Variants in GRIA2 observed in about 807,000 individuals in gnomAD.
GRIA2 encodes the protein glutamate ionotropic receptor AMPA type subunit 2.
In GRIA2, 14 loss-of-function variants were observed where a neutral mutation model predicts 97.3. That is an observed-to-expected ratio of 0.14 (90% CI 0.10 to 0.23). The LOEUF (loss-of-function observed/expected upper bound fraction) is 0.23. Among genes scored for constraint, GRIA2 ranks in the 10% least tolerant of loss-of-function variants. GRIA2 has a pLI of 1.00. For missense variants in GRIA2, 558 were observed against 1,069.8 expected (o/e 0.52, Z 6.67); for synonymous variants, 412 against 387.8 (o/e 1.06, Z -0.73).
chr4:157,365,458 C>T lies in GRIA2; in HGVS notation c.*2027C>T, dbSNP rs1579398295. On this transcript the variant is annotated 3_prime_UTR_variant, in exon 16 of 16. Transcript: ENST00000264426. ...TTATTGTACCTCTGGGCCTACTCTT[C>T]TAAAAATTGTAGCTTATCGATTTTT... is the stretch of plus-strand genomic sequence containing the variant. The T allele has an allele frequency of 6.6e-6, 1 of 151,958 alleles. No individual in the cohort carries two copies. 9.4% of individuals were successfully genotyped at this position (151,958 alleles called of 1,614,324 possible). A position where few individuals can be genotyped will look rare whatever the true frequency, so the allele number is the denominator to read the frequency against.
chr4:157,265,094 A>G (rs1030990757), intron 2 of GRIA2, among the ~76,000 whole-genome samples: 1 of 152,168 alleles, frequency 6.6e-6, no homozygotes, highest in African/African-American at 2.4e-5. Flanking sequence ...TTGTTAAGAT[A>G]GGATATTAAT....
intron 6 of GRIA2, among the ~76,000 whole-genome samples, chr4:157,329,903 A>G (rs1415258451): frequency 6.6e-6 from 1 of 151,892 alleles, no homozygotes; most frequent in East Asian, 1.9e-4. Flanking sequence ...CATCATAATT[A>G]CCTCGGAATC....
intron 2 of GRIA2, among the ~76,000 whole-genome samples, chr4:157,246,962 T>C (rs1730759734): frequency 6.6e-6 from 1 of 152,198 alleles, no homozygotes; most frequent in South Asian, 2.1e-4. Flanking sequence ...TATTTCCTTT[T>C]GCAGTGATAT....
At chr4:157,248,780 C>CTATATATATATA (rs36210142) in intron 2 of GRIA2, among the ~76,000 whole-genome samples, 1 of 122,334 alleles carries the variant, frequency 8.2e-6, no homozygotes, top group African/African-American at 3.1e-5. Context: ...CTTTCTTTCA[C>CTATATATATATA]TATATATATA....
chr4:157,223,063 T>A (rs1729579101), intron 2 of GRIA2, among the ~76,000 whole-genome samples: 1 of 152,180 alleles, frequency 6.6e-6, no homozygotes, highest in Non-Finnish European at 1.5e-5. Context: ...CTACAGAGCT[T>A]GGGGAAAATT....
At chr4:157,316,051 T>A (rs1734304135) in intron 4 of GRIA2, among the ~76,000 whole-genome samples, 1 of 152,162 alleles carries the variant, frequency 6.6e-6, no homozygotes. Flanking sequence ...CCTTCCTTTC[T>A]CTCAAGTAAA....
chr4:157,269,750 C>A (rs1561019870), intron 2 of GRIA2, among the ~76,000 whole-genome samples: 1 of 152,054 alleles, frequency 6.6e-6, no homozygotes, highest in South Asian at 2.1e-4. Flanking sequence ...CAGTTATGGA[C>A]TCCTTAACTA....
chr4:157,332,297 C>T (rs1735084330), intron 6 of GRIA2, among the ~76,000 whole-genome samples: 1 of 151,918 alleles, frequency 6.6e-6, no homozygotes, highest in South Asian at 2.1e-4. Context: ...TACTTGATTA[C>T]CAGAATCGCC....
chr4:157,254,656 G>A (rs951116315), intron 2 of GRIA2, among the ~76,000 whole-genome samples: 1 of 151,954 alleles, frequency 6.6e-6, no homozygotes, highest in Admixed American at 6.6e-5. Flanking sequence ...CTGTGTTGAG[G>A]GTGTGTGAAA....
intron 11 of GRIA2, among the ~76,000 whole-genome samples, chr4:157,336,996 G>T (rs1735315286): frequency 6.6e-6 from 1 of 152,010 alleles, no homozygotes; most frequent in South Asian, 2.1e-4. Flanking sequence ...AATGCATAAG[G>T]TTCCTATCAT....
intron 2 of GRIA2, among the ~76,000 whole-genome samples, chr4:157,229,099 AT>A (rs1482983866): frequency 6.6e-6 from 1 of 152,116 alleles, no homozygotes; most frequent in East Asian, 1.9e-4. Context: ...CAAAAGTATT[AT>A]TTTTACATTT....
intron 2 of GRIA2, among the ~76,000 whole-genome samples, chr4:157,234,191 A>G (rs992947756): frequency 5.3e-5 from 8 of 152,246 alleles, no homozygotes; most frequent in Admixed American, 4.6e-4. Flanking sequence ...TAACTGCTGC[A>G]TATAATATAG....
intron 3 of GRIA2, among the ~76,000 whole-genome samples, chr4:157,307,567 C>T (rs575723955): frequency 1.3e-5 from 2 of 152,306 alleles, no homozygotes; most frequent in East Asian, 1.9e-4. Flanking sequence ...AAATTCAACA[C>T]ATTTTTAACA....
intron 2 of GRIA2, among the ~76,000 whole-genome samples, chr4:157,230,662 T>G (rs1729967674): frequency 6.6e-6 from 1 of 151,944 alleles, no homozygotes; most frequent in South Asian, 2.1e-4. Flanking sequence ...AGCATCTCTT[T>G]CATTTGATGT....
rs138516570 is a variant in GRIA2, at chr4:157,340,673, G to A, written c.1845-591G>A. ...ATTCATTAATAGTTATATTTTGTGC[G>A]GTATCTTTGCTTGTAGCATTATTTT... On this transcript the variant is annotated intron_variant, in intron 11 of 15. Coordinates refer to ENST00000264426, the MANE Select transcript of GRIA2 (RefSeq NM_001083619.3). Among the ~76,000 whole-genome samples the A allele has an allele frequency of 5.7e-3, 862 of 151,474 alleles. 14 individuals are homozygous for A. The South Asian group carries it at 0.063, about 11-fold the overall frequency.
chr4:157,329,056 C>T (rs1267058281), intron 6 of GRIA2, among the ~76,000 whole-genome samples: 4 of 151,852 alleles, frequency 2.6e-5, no homozygotes, highest in Admixed American at 2.6e-4. Flanking sequence ...ACAGACAGCT[C>T]TTTTCCATAG....
intron 2 of GRIA2, among the ~76,000 whole-genome samples, chr4:157,302,932 G>A (rs932972366): frequency 6.6e-6 from 1 of 152,126 alleles, no homozygotes; most frequent in Non-Finnish European, 1.5e-5. Context: ...AACATATAGG[G>A]TAAGTTAGGT....
At chr4:157,257,401 G>C (rs1428317513) in intron 2 of GRIA2, among the ~76,000 whole-genome samples, 1 of 152,036 alleles carries the variant, frequency 6.6e-6, no homozygotes, top group Admixed American at 6.6e-5. Flanking sequence ...CTGAAAAAGT[G>C]AATGTGTCTT....
intron 2 of GRIA2, among the ~76,000 whole-genome samples, chr4:157,240,066 T>C (rs1176096350): frequency 2.6e-5 from 4 of 151,856 alleles, no homozygotes; most frequent in Admixed American, 6.6e-5. Context: ...GACTTATTTC[T>C]TCATATGCTT....
Sources: gnomAD v4.1 joint callset for allele counts (sites outside exome capture counted in the v4.1 genomes callset) on GRCh38, gnomAD v4.1.1 for gene constraint, MANE v1.5 for transcripts, NCBI Gene and HGNC (gene_info 2026-07-23, HGNC 2026-07-21) for gene names.